UGT2A1: variants seen among roughly 807,000 people sequenced by gnomAD.
UGT2A1 encodes UDP-glucuronosyltransferase 2A1.
UGT2A1 carries 61 observed loss-of-function variants against 45.4 expected under a neutral mutation model. The observed-to-expected ratio is 1.34, with a 90% CI of 1.09 to 1.66. The LOEUF (loss-of-function observed/expected upper bound fraction) is 1.66. UGT2A1 is among the 40% of genes most tolerant of loss of function. The probability of loss-of-function intolerance (pLI) is 0.00; values close to 1 mark genes in which losing one functional copy is unlikely to be tolerated. For missense variants in UGT2A1, 649 were observed against 574.3 expected, an observed-to-expected ratio of 1.13 and a Z score of -1.33; for synonymous variants, 229 against 196.2, an observed-to-expected ratio of 1.17 and a Z score of -1.40.
intron 3 of UGT2A1, among the ~76,000 whole-genome samples, chr4:69,606,428 T>TA (rs1397254455): frequency 1.5e-5 from 2 of 136,256 alleles, no homozygotes; most frequent in Non-Finnish European, 3.1e-5. Flanking sequence ...TATCTCAAAA[T>TA]AATAAGAGCT....
At chr4:69,623,299 T>C (rs1380348516) in intron 3 of UGT2A1, among the ~76,000 whole-genome samples, 2 of 151,768 alleles carry the variant, frequency 1.3e-5, no homozygotes, top group Non-Finnish European at 1.5e-5. Flanking sequence ...CTAGGATTAC[T>C]ACAATGTAAC....
chr4:69,639,143 A>G (rs772755791), intron 2 of UGT2A1: 4 of 1,613,668 alleles, frequency 2.5e-6, no homozygotes, highest in Admixed American at 1.7e-5. Context: ...GAGCAACAAG[A>G]TCACCACAGA....
intron 3 of UGT2A1, among the ~76,000 whole-genome samples, chr4:69,631,957 T>A (rs1049888964): frequency 1.3e-5 from 2 of 152,304 alleles, no homozygotes; most frequent in South Asian, 4.2e-4. Context: ...AATAATATCA[T>A]TAAAATGACA....
chr4:69,607,265 C>T (rs75246389), intron 3 of UGT2A1, among the ~76,000 whole-genome samples: 20,150 of 148,746 alleles, frequency 0.14, 1,594 homozygotes, highest in Non-Finnish European at 0.17. Flanking sequence ...AATAATGCTG[C>T]GTATCTACAA....
chr4:69,616,726 G>T (rs1720412351), intron 3 of UGT2A1, among the ~76,000 whole-genome samples: 1 of 151,584 alleles, frequency 6.6e-6, no homozygotes, highest in African/African-American at 2.4e-5. Context: ...ATAAGAAATG[G>T]AAAAGTATAA....
chr4:69,611,446 GA>G (rs200977513), intron 3 of UGT2A1, among the ~76,000 whole-genome samples: 69 of 149,662 alleles, frequency 4.6e-4, no homozygotes, highest in African/African-American at 1.4e-3. Flanking sequence ...GAAATGATAA[GA>G]AAAAAAAACT....
chr4:69,593,968 TTTTTTTTTGTTTG>T (rs1174943293), intron 6 of UGT2A1, among the ~76,000 whole-genome samples: 2 of 96,306 alleles, frequency 2.1e-5, no homozygotes, highest in Non-Finnish European at 4.5e-5. Context: ...ATTTGAAGTC[TTTTTTTTTGTTTG>T]TTTTTTTTTT....
intron 4 of UGT2A1, among the ~76,000 whole-genome samples, chr4:69,599,026 A>G (rs1719097775): frequency 6.6e-6 from 1 of 152,132 alleles, no homozygotes; most frequent in Admixed American, 6.5e-5. Context: ...TATTTGTAAC[A>G]CACAGCTTTA....
At chr4:69,599,163 T>C in intron 4 of UGT2A1, 83 bp downstream of exon 4, 2 of 1,463,934 alleles carry the variant, frequency 1.4e-6, no homozygotes, top group Non-Finnish European at 1.8e-6. Flanking sequence ...CAGCATTTAT[T>C]TGTTATTGAG....
At chr4:69,626,252 C>T (rs10001991) in intron 3 of UGT2A1, among the ~76,000 whole-genome samples, 52,989 of 150,730 alleles carry the variant, frequency 0.35, 9,670 homozygotes, top group African/African-American at 0.43. Flanking sequence ...TATTAGATCA[C>T]ATTCTAACAT....
intron 6 of UGT2A1, among the ~76,000 whole-genome samples, chr4:69,592,012 G>A (rs1043239898): frequency 1.3e-5 from 2 of 152,170 alleles, no homozygotes; most frequent in Non-Finnish European, 2.9e-5. Flanking sequence ...TGGATGGGGA[G>A]CAAAAGTGGA....
chr4:69,589,562 A>T lies in UGT2A1; in HGVS notation c.1394T>A (p.Val465Asp), dbSNP rs541720302. The T allele has an allele frequency of 1.9e-6, 3 of 1,614,092 alleles. No homozygotes were observed. In the African/African-American group the frequency reaches 4.0e-5, roughly 22 times the overall value. The change falls in exon 7 of 7, where the codon GTC becomes GAC. Residue 465 changes from valine to aspartate, a missense_variant. Coordinates refer to ENST00000286604, the MANE Select transcript of UGT2A1 (RefSeq NM_001252275.3). ...LDRAVFWIEF[V>D]MRHKGAKHLR... The stretch of plus-strand genomic sequence containing the variant: ...GTGCTTGGCTCCTTTGTGGCGCATG[A>T]CAAACTCGATCCAGAAGACTGCTCG...
intron 3 of UGT2A1, among the ~76,000 whole-genome samples, chr4:69,601,804 C>T (rs1450531129): frequency 2.0e-5 from 2 of 101,380 alleles, no homozygotes; most frequent in Non-Finnish European, 4.0e-5. Context: ...CATTCCCTAG[C>T]ACCAGTCTGG....
At chr4:69,612,680 A>G (rs1195300275) in intron 3 of UGT2A1, among the ~76,000 whole-genome samples, 1 of 152,054 alleles carries the variant, frequency 6.6e-6, no homozygotes, top group African/African-American at 2.4e-5. Flanking sequence ...AGCCATATGC[A>G]GAAGAAAGAA....
chr4:69,602,336 T>C (rs1370670816), intron 3 of UGT2A1, among the ~76,000 whole-genome samples: 1 of 137,384 alleles, frequency 7.3e-6, no homozygotes, highest in East Asian at 2.0e-4. Context: ...TATGTTAAAA[T>C]AGTAAGAGCA....
chr4:69,622,903 C>T (rs1490349644), intron 3 of UGT2A1, among the ~76,000 whole-genome samples: 2 of 151,856 alleles, frequency 1.3e-5, no homozygotes, highest in African/African-American at 2.4e-5. Flanking sequence ...ATTTATAATT[C>T]TGCTAAGCCA....
intron 2 of UGT2A1, among the ~76,000 whole-genome samples, chr4:69,642,803 T>C (rs1396848006): frequency 1.3e-5 from 2 of 151,568 alleles, no homozygotes; most frequent in Non-Finnish European, 3.0e-5. Context: ...TATATAGAGA[T>C]TATTCACAAA....
intron 3 of UGT2A1, among the ~76,000 whole-genome samples, chr4:69,618,588 T>G (rs114062230): frequency 1.6e-4 from 24 of 152,166 alleles, no homozygotes; most frequent in African/African-American, 5.5e-4. Context: ...AGTTTTCATG[T>G]GTAAGTACAC....
rs756716096 is a variant in UGT2A1, at chr4:69,594,524, T to G, written c.1257A>C (p.Thr419=). The G allele has an allele frequency of 1.9e-6, 3 of 1,614,034 alleles. No homozygotes were observed. The African/African-American group carries it at 4.0e-5, about 22-fold the overall frequency. Residue 419 remains threonine, a synonymous_variant, in exon 6 of 7, where the codon ACA becomes ACC. Coordinates refer to ENST00000286604, the MANE Select transcript of UGT2A1 (RefSeq NM_001252275.3). Reference sequence around the variant, plus strand: ...TCAAAGCGCTAAGCAAATCCACACTTGTCATTGTGTTTAGGTTCACTTCCA... The same window carrying G: ...TCAAAGCGCTAAGCAAATCCACACTGGTCATTGTGTTTAGGTTCACTTCCA... ...AAVEVNLNTM[T]SVDLLSALRT...
Sources: allele counts gnomAD v4.1 joint callset (sites outside exome capture counted in the v4.1 genomes callset), GRCh38; gene constraint gnomAD v4.1.1; transcripts MANE v1.5; gene names NCBI Gene and HGNC (gene_info 2026-07-23, HGNC 2026-07-21).